ZNF236: variants seen among roughly 807,000 people sequenced by gnomAD.
ZNF236 encodes zinc finger protein 236, also known as regulated by glucose.
In ZNF236, 50 loss-of-function variants were observed where a neutral mutation model predicts 191.2. The observed-to-expected ratio is 0.26, with a 90% CI of 0.21 to 0.33. The LOEUF is 0.33. Ranked by LOEUF, ZNF236 falls within the 10% of genes least tolerant of loss-of-function variation. ZNF236 has a pLI of 1.00. For missense variants in ZNF236, 1,754 were observed against 2,374.5 expected (o/e 0.74, Z 5.43); for synonymous variants, 907 against 928.8 (o/e 0.98, Z 0.43).
intron 25 of ZNF236, chr18:76,931,103 G>C (rs1967833481): frequency 6.6e-6 from 1 of 152,202 alleles, no homozygotes; most frequent in African/African-American, 2.4e-5. Flanking sequence ...AATGGAAATA[G>C]TGAACTATTA....
intron 26 of ZNF236, among the ~76,000 whole-genome samples, chr18:76,941,344 C>G (rs180851200): frequency 6.6e-6 from 1 of 152,354 alleles, no homozygotes; most frequent in East Asian, 1.9e-4. Context: ...ATTTAGGATG[C>G]TGCTTTTGGA....
chr18:76,949,512 A>C (rs938302385), intron 27 of ZNF236, among the ~76,000 whole-genome samples: 1 of 152,222 alleles, frequency 6.6e-6, no homozygotes, highest in African/African-American at 2.4e-5. Context: ...CATACCTCAG[A>C]GATAACATGC....
In ZNF236 at chr18:76,876,147, C is replaced by T. The variant is rs569330609; in HGVS notation, c.840+483C>T. 3.9e-4 allele frequency among the ~76,000 whole-genome samples: 59 copies of T among 152,314 alleles called. 1 individual carries two copies. In the South Asian group the frequency reaches 0.011, roughly 28 times the overall value. ...CTTCCATGCTGCTTGTCCAGTCTTTCGACTAAAATGATGATTTCCTGTGGT... is the reference window on the plus strand; with the variant it reads ...CTTCCATGCTGCTTGTCCAGTCTTTTGACTAAAATGATGATTTCCTGTGGT... On this transcript the variant is annotated intron_variant, in intron 6 of 30. Coordinates refer to ENST00000320610, the MANE Select transcript of ZNF236 (RefSeq NM_001306089.2).
chr18:76,870,545 T>C (rs1976551205), intron 4 of ZNF236, among the ~76,000 whole-genome samples: 1 of 152,168 alleles, frequency 6.6e-6, no homozygotes, highest in South Asian at 2.1e-4. Flanking sequence ...AGTGAGAAGA[T>C]AGGTAGTGAC....
Position 76,927,046 on chromosome 18 carries a change from A to G in ZNF236, c.4037A>G (p.Asp1346Gly). 1 of 1,611,332 alleles carries G rather than the reference A, an allele frequency of 6.2e-7. No homozygotes were observed. The highest frequency in any genetic ancestry group is 8.5e-7 in the Non-Finnish European group (1 of 1,177,712). Residue 1346 changes from aspartate (D) to glycine (G), a missense_variant, in exon 23 of 31, where the codon GAC becomes GGC. Asp to Gly is a moderately conservative substitution (Grantham distance 94, BLOSUM62 -1). Around this residue, in one of 5 missense-constraint regions of ZNF236, gnomAD observed 606 missense variants for 761.5 expected, o/e 0.80. Coordinates refer to ENST00000320610, the MANE Select transcript of ZNF236 (RefSeq NM_001306089.2). This position sits in a 1 kb window ranked among gnomAD's most constrained non-coding sequence, Gnocchi z 5.4. ...ILPASVSAGG[D>G]LTVSLTDGSL... ...CTCTTTCTCTGGCCAGCTGGGGGTGACCTGACCGTGTCTCTGACAGATGGG... is the reference window on the plus strand; with the variant it reads ...CTCTTTCTCTGGCCAGCTGGGGGTGGCCTGACCGTGTCTCTGACAGATGGG...
intron 3 of ZNF236, among the ~76,000 whole-genome samples, chr18:76,861,465 T>C (rs1976221478): frequency 1.3e-5 from 2 of 152,112 alleles, no homozygotes; most frequent in South Asian, 2.1e-4. Flanking sequence ...GGCTGCGAAA[T>C]AGTGTTGAGT....
intron 26 of ZNF236, among the ~76,000 whole-genome samples, chr18:76,943,674 T>TACAGACTCCTGATGGGA (rs1027590528): frequency 1.3e-5 from 2 of 152,222 alleles, no homozygotes; most frequent in African/African-American, 4.8e-5. Context: ...CAAATCTTAT[T>TACAGACTCCTGATGGGA]ACAGACTCCT....
intron 1 of ZNF236, among the ~76,000 whole-genome samples, chr18:76,842,563 C>T (rs545411392): frequency 6.6e-6 from 1 of 152,014 alleles, no homozygotes; most frequent in African/African-American, 2.4e-5. Context: ...ACCAGTGTGA[C>T]CAACATGGAG....
intron 15 of ZNF236, 52 bp downstream of exon 15, chr18:76,910,221 A>G (rs1382547935): frequency 7.0e-7 from 1 of 1,430,268 alleles, no homozygotes; most frequent in Admixed American, 1.7e-5. Flanking sequence ...CTTCAGTTGA[A>G]TTTAATCTCA....
chr18:76,922,551 G>A (rs1967566182), intron 20 of ZNF236, among the ~76,000 whole-genome samples: 1 of 148,062 alleles, frequency 6.8e-6, no homozygotes, highest in Non-Finnish European at 1.5e-5. Flanking sequence ...GGTTTTTTAA[G>A]GAAATTGTCT....
At chr18:76,847,506 C>T (rs1174735621) in intron 1 of ZNF236, among the ~76,000 whole-genome samples, 1 of 151,986 alleles carries the variant, frequency 6.6e-6, no homozygotes, top group Non-Finnish European at 1.5e-5. Context: ...CACTCTTTCA[C>T]CCAGGCTGGA....
At chr18:76,847,535 A>T (rs907773425) in intron 1 of ZNF236, among the ~76,000 whole-genome samples, 3 of 151,948 alleles carry the variant, frequency 2.0e-5, no homozygotes, top group Admixed American at 1.3e-4. Context: ...GCGCGATCTC[A>T]GCTCACTGCA....
At chr18:76,854,178 G>A (rs1286443909) in intron 3 of ZNF236, among the ~76,000 whole-genome samples, 1 of 152,042 alleles carries the variant, frequency 6.6e-6, no homozygotes, top group Admixed American at 6.6e-5. Context: ...AATATGTACA[G>A]TTTTACTTAT....
chr18:76,844,507 A>G (rs748098000), intron 1 of ZNF236, among the ~76,000 whole-genome samples: 12 of 152,182 alleles, frequency 7.9e-5, no homozygotes, highest in Non-Finnish European at 1.6e-4. Context: ...AACGATTTTT[A>G]TTCAAAATGT....
intron 3 of ZNF236, among the ~76,000 whole-genome samples, chr18:76,861,012 G>A (rs906879704): frequency 3.9e-5 from 6 of 152,074 alleles, no homozygotes; most frequent in Admixed American, 1.3e-4. Flanking sequence ...CTGTGCTGCC[G>A]GAGGAAGGGT....
At position 76,915,695 on chromosome 18, in the gene ZNF236, A is replaced by G. The variant is rs1403131915; in HGVS notation, c.3110A>G (p.Asn1037Ser). 6 of 1,614,056 alleles carry G rather than the reference A, an allele frequency of 3.7e-6. No individual in the cohort carries two copies. The highest frequency in any genetic ancestry group is 2.2e-5 in the East Asian group (1 of 44,896). ...GTGTGCAATGCTTCCTTCACCACCA[A>G]TGGCAGCCTCACCCGGCACATGGCC... Reference protein sequence around the residue: ...CSVCNASFTTNGSLTRHMATH... With the variant: ...CSVCNASFTTSGSLTRHMATH... The change falls in exon 19 of 31, where the codon AAT becomes AGT. Residue 1037 changes from asparagine (N) to serine (S), a missense_variant. By Grantham distance (46) the Asn-to-Ser change is conservative. This residue lies in a region of ZNF236 where 641 missense variants were observed against 869.6 expected (regional missense o/e 0.74). Coordinates refer to ENST00000320610, the MANE Select transcript of ZNF236 (RefSeq NM_001306089.2).
intron 1 of ZNF236, among the ~76,000 whole-genome samples, chr18:76,839,528 C>G (rs1044490618): frequency 6.6e-6 from 1 of 152,126 alleles, no homozygotes; most frequent in African/African-American, 2.4e-5. Flanking sequence ...TTATCTTTAT[C>G]TTTGGGTGAA....
At chr18:76,951,370 T>C (rs1968403644) in intron 27 of ZNF236, among the ~76,000 whole-genome samples, 2 of 152,258 alleles carry the variant, frequency 1.3e-5, no homozygotes, top group South Asian at 4.1e-4. Context: ...CTAGATGTTC[T>C]GGAGAACTTG....
intron 27 of ZNF236, among the ~76,000 whole-genome samples, chr18:76,949,550 C>T (rs796690119): frequency 2.0e-5 from 3 of 152,074 alleles, no homozygotes; most frequent in African/African-American, 4.8e-5. Context: ...TGCAATAAAG[C>T]GATTATCACA....
Sources: allele counts gnomAD v4.1 joint callset (sites outside exome capture counted in the v4.1 genomes callset), GRCh38; gene constraint gnomAD v4.1.1; regional missense constraint gnomAD v4.1.1; non-coding constraint Gnocchi (gnomAD v3.1); transcripts MANE v1.5; gene names NCBI Gene and HGNC (gene_info 2026-07-23, HGNC 2026-07-21).